ATP9A: variants seen among roughly 807,000 people sequenced by gnomAD.
ATP9A encodes ATPase phospholipid transporting 9A, also known as probable phospholipid-transporting ATPase IIA.
Under a neutral mutation model 144.1 loss-of-function variants are expected in ATP9A, and 52 were observed. The observed-to-expected ratio is 0.36, with a 90% CI of 0.29 to 0.45. ATP9A has a LOEUF of 0.45. Ranked by LOEUF, ATP9A falls within the 20% of genes least tolerant of loss-of-function variation. ATP9A has a pLI of 1.00. For missense variants in ATP9A, 947 were observed against 1,392.7 expected, an observed-to-expected ratio of 0.68 and a Z score of 5.09; for synonymous variants, 582 against 557.4, an observed-to-expected ratio of 1.04 and a Z score of -0.62.
chr20:51,749,825 C>CTCTGACTCAGTACACTTTTT (rs2077823979), intron 1 of ATP9A, among the ~76,000 whole-genome samples: 1 of 152,048 alleles, frequency 6.6e-6, no homozygotes, highest in Non-Finnish European at 1.5e-5. Flanking sequence ...AACCATGTGA[C>CTCTGACTCAGTACACTTTTT]TCTGACTCAG....
chr20:51,603,116 T>C (rs2077149629), intron 27 of ATP9A, among the ~76,000 whole-genome samples: 1 of 152,152 alleles, frequency 6.6e-6, no homozygotes, highest in East Asian at 1.9e-4. Flanking sequence ...CCTGCAATCC[T>C]GAACACACAT....
At chr20:51,645,778 T>C (rs2077339862) in intron 14 of ATP9A, among the ~76,000 whole-genome samples, 1 of 152,188 alleles carries the variant, frequency 6.6e-6, no homozygotes, top group Non-Finnish European at 1.5e-5. Context: ...GACAAACATC[T>C]GGGGAGTGAG....
At chr20:51,685,498 G>A (rs1483311232) in intron 9 of ATP9A, among the ~76,000 whole-genome samples, 2 of 151,972 alleles carry the variant, frequency 1.3e-5, no homozygotes, top group African/African-American at 4.8e-5. Flanking sequence ...GGAAGGTGGA[G>A]GTTGCAGTGA....
At position 51,608,646 on chromosome 20, in the gene ATP9A, T is replaced by C. The variant is rs2077173117; in HGVS notation, c.2637-20A>G. The C allele has an allele frequency of 2.7e-6, 4 of 1,506,468 alleles. No homozygotes were observed. Among genetic ancestry groups the C allele is most frequent in the South Asian group, 1.1e-5 (1 of 88,852 alleles). The allele number at this position is 1,506,468 out of a possible 1,614,324, so 93.3% of individuals were successfully genotyped here. A position where few individuals can be genotyped will look rare whatever the true frequency, so the allele number is the denominator to read the frequency against. On this transcript the variant is annotated intron_variant, in intron 24 of 27. Coordinates refer to ENST00000338821, the MANE Select transcript of ATP9A (RefSeq NM_006045.3). ...GAGTACCTGGGAGAGAAAACCGCCA[T>C]AGGTAAGACCTGGCTGACGCGATAG...
chr20:51,618,602 G>T, intron 21 of ATP9A, 60 bp downstream of exon 21: 1 of 1,550,784 alleles, frequency 6.4e-7, no homozygotes, highest in Non-Finnish European at 8.6e-7. Flanking sequence ...TATCCTTAGG[G>T]AAAGGGAGCC....
At chr20:51,633,177 CA>C (rs138619679) in intron 15 of ATP9A, among the ~76,000 whole-genome samples, 2,402 of 152,218 alleles carry the variant, frequency 0.016, 24 homozygotes, top group Middle Eastern at 0.048. Context: ...ACAGCCTAAG[CA>C]GCCAAAAAAT....
chr20:51,615,440 G>A (rs1023240409), intron 22 of ATP9A, among the ~76,000 whole-genome samples: 2 of 151,654 alleles, frequency 1.3e-5, no homozygotes, highest in African/African-American at 4.8e-5. Flanking sequence ...ACAACAAAAT[G>A]TACAGTGTGT....
At position 51,625,381 on chromosome 20, in the gene ATP9A, T is replaced by G. The variant is rs769023607; in HGVS notation, c.1846-19A>C. 1 of 1,606,564 alleles carries G rather than the reference T, an allele frequency of 6.2e-7. No individual in the cohort carries two copies. Among genetic ancestry groups the G allele is most frequent in the East Asian group, 2.2e-5 (1 of 44,796 alleles). ...AGCGGGCCTGGGACACACCAGCAGA[T>G]GCAGTCACTGCTTAGGGTGAGGAGA... is the stretch of plus-strand genomic sequence containing the variant. On this transcript the variant is annotated intron_variant, in intron 17 of 27. Coordinates refer to ENST00000338821, the MANE Select transcript of ATP9A (RefSeq NM_006045.3).
At chr20:51,744,897 A>T (rs1433428225) in intron 1 of ATP9A, among the ~76,000 whole-genome samples, 2 of 152,220 alleles carry the variant, frequency 1.3e-5, no homozygotes, top group African/African-American at 4.8e-5. Context: ...TGGGAGGCCG[A>T]GGCGGGAGAA....
rs550019319 is a variant in ATP9A, at chr20:51,623,468, A to G, written c.2017-1296T>C. Among the ~76,000 whole-genome samples, 7 of 152,244 alleles carry G rather than the reference A, an allele frequency of 4.6e-5. No homozygotes were observed. In the South Asian group the frequency reaches 1.5e-3, roughly 32 times the overall value. ...ACTTAGCCTCAGTTTCTACATCCATACAAGGGGCTGATTTAGAAAATATCC... is the reference window on the plus strand; with the variant it reads ...ACTTAGCCTCAGTTTCTACATCCATGCAAGGGGCTGATTTAGAAAATATCC... On this transcript the variant is annotated intron_variant, in intron 18 of 27. Coordinates refer to ENST00000338821, the MANE Select transcript of ATP9A (RefSeq NM_006045.3).
Position 51,630,735 on chromosome 20 carries a change from C to T in ATP9A, c.1669-1663G>A, listed in dbSNP as rs569674841. Among the ~76,000 whole-genome samples, 64 of 152,212 alleles carry T rather than the reference C, an allele frequency of 4.2e-4. 1 individual carries two copies. The South Asian group carries it at 0.012, about 29-fold the overall frequency. On this transcript the variant is annotated intron_variant, in intron 15 of 27. Coordinates refer to ENST00000338821, the MANE Select transcript of ATP9A (RefSeq NM_006045.3). ...AGTGACTGCATCTCAGGTGCAAATG[C>T]GCCATGCTGACTTCTGATTAGCCCA...
At chr20:51,686,582 A>C (rs1376493170) in intron 9 of ATP9A, among the ~76,000 whole-genome samples, 3 of 152,214 alleles carry the variant, frequency 2.0e-5, no homozygotes, top group African/African-American at 7.2e-5. Context: ...ATAGACCAGA[A>C]TATTAAGAAT....
chr20:51,674,663 T>C (rs935380903), intron 10 of ATP9A, among the ~76,000 whole-genome samples: 3 of 152,152 alleles, frequency 2.0e-5, no homozygotes, highest in South Asian at 2.1e-4. Flanking sequence ...GTGTGCTGAA[T>C]AGCCTCCACC....
rs3029336 is a variant in ATP9A, at chr20:51,649,912, CAAAAAAA to C, written c.1506+7019_1506+7025del. Among the ~76,000 whole-genome samples the C allele has an allele frequency of 5.4e-3, 582 of 107,720 alleles. 5 individuals carry two copies. Among genetic ancestry groups the C allele is most frequent in the African/African-American group, 0.022 (546 of 24,718 alleles). 70.7% of individuals were successfully genotyped at this position (107,720 alleles called of 152,430 possible). ...TGGGCAGCAGAGCGAGAATCCGTCT[CAAAAAAA>C]AAAAAAAAAAATCACACAGCTGATT... On this transcript the variant is annotated intron_variant, in intron 14 of 27. Coordinates refer to ENST00000338821, the MANE Select transcript of ATP9A (RefSeq NM_006045.3).
chr20:51,671,619 A>C (rs979744703), intron 11 of ATP9A, among the ~76,000 whole-genome samples: 1 of 152,108 alleles, frequency 6.6e-6, no homozygotes, highest in Non-Finnish European at 1.5e-5. Context: ...GAAATTGACC[A>C]TTCTATAGTA....
intron 13 of ATP9A, among the ~76,000 whole-genome samples, chr20:51,658,890 G>GTGGGGTGGGGGT (rs57163076): frequency 1.8e-5 from 1 of 55,034 alleles, no homozygotes; most frequent in African/African-American, 7.1e-5. Context: ...ACCACTGGCG[G>GTGGGGTGGGGGT]GGGGGGGGGG....
chr20:51,678,313 CCT>C (rs937130158), intron 9 of ATP9A, among the ~76,000 whole-genome samples: 3 of 152,110 alleles, frequency 2.0e-5, no homozygotes, highest in African/African-American at 7.2e-5. Context: ...GCTCTCTCCC[CCT>C]CACTCTCAGG....
intron 13 of ATP9A, among the ~76,000 whole-genome samples, chr20:51,669,420 C>T (rs1340805001): frequency 1.3e-5 from 2 of 152,174 alleles, no homozygotes; most frequent in African/African-American, 4.8e-5. Flanking sequence ...TGCAAGTTAT[C>T]TCTGATGAAC....
intron 14 of ATP9A, among the ~76,000 whole-genome samples, chr20:51,644,267 C>CTTTTTTT (rs772071945): frequency 4.2e-4 from 32 of 76,006 alleles, no homozygotes; most frequent in Non-Finnish European, 5.4e-4. Flanking sequence ...TTACTTCTAG[C>CTTTTTTT]TTTTTTTTTT....
Sources: gnomAD v4.1 joint callset for allele counts (sites outside exome capture counted in the v4.1 genomes callset) on GRCh38, gnomAD v4.1.1 for gene constraint, MANE v1.5 for transcripts, NCBI Gene and HGNC (gene_info 2026-07-23, HGNC 2026-07-21) for gene names.